Variants in OSBPL3 observed in about 807,000 individuals in gnomAD.
The protein encoded by OSBPL3 is oxysterol binding protein like 3, also known as oxysterol-binding protein-related protein 3.
Under a neutral mutation model 120.1 loss-of-function variants are expected in OSBPL3, and 65 were observed. The ratio of observed to expected loss-of-function variants is 0.54; its 90% confidence interval spans 0.44 to 0.67. OSBPL3 has a LOEUF of 0.67. Ranked by LOEUF, OSBPL3 falls within the 30% of genes least tolerant of loss-of-function variation. OSBPL3 has a pLI of 0.00. For missense variants in OSBPL3, 1,004 were observed against 1,082.1 expected (o/e 0.93, Z 1.01); for synonymous variants, 416 against 402.6 (o/e 1.03, Z -0.40).
chr7:24,942,367 A>G (rs1813202513), intron 1 of OSBPL3, among the ~76,000 whole-genome samples: 1 of 152,224 alleles, frequency 6.6e-6, no homozygotes, highest in South Asian at 2.1e-4. Context: ...GTGCACTTGT[A>G]GCCAGGAGTG....
chr7:24,910,985 C>T (rs1808744154), intron 1 of OSBPL3, among the ~76,000 whole-genome samples: 1 of 152,194 alleles, frequency 6.6e-6, no homozygotes, highest in African/African-American at 2.4e-5. Context: ...GAGGCCAGGG[C>T]AAGGGCATCC....
chr7:24,944,076 TAAAAAAAA>T (rs70942898), intron 1 of OSBPL3, among the ~76,000 whole-genome samples: 9 of 118,696 alleles, frequency 7.6e-5, no homozygotes, highest in Non-Finnish European at 1.2e-4. Flanking sequence ...CAGTCTAAAG[TAAAAAAAA>T]AAAAAAAAAA....
intron 1 of OSBPL3, among the ~76,000 whole-genome samples, chr7:24,950,247 C>T (rs1485547894): frequency 6.6e-6 from 1 of 152,154 alleles, no homozygotes; most frequent in Non-Finnish European, 1.5e-5. Context: ...TACAAAAATA[C>T]ACACAAACAC....
At chr7:24,941,830 T>C (rs527474154) in intron 1 of OSBPL3, among the ~76,000 whole-genome samples, 6 of 152,354 alleles carry the variant, frequency 3.9e-5, no homozygotes, top group Non-Finnish European at 5.9e-5. Flanking sequence ...AGTACAACTA[T>C]ACAGTGGTGG....
rs1254563957 is a variant in OSBPL3, at chr7:24,861,681, G to C, written c.959C>G (p.Ser320Cys). 4 of 1,611,276 alleles carry C rather than the reference G, an allele frequency of 2.5e-6. No individual in the cohort carries two copies. Among genetic ancestry groups the C allele is most frequent in the Non-Finnish European group, 3.4e-6 (4 of 1,177,846 alleles). Residue 320 changes from serine to cysteine, a missense_variant, in exon 10 of 23, where the codon TCT (serine) becomes TGT (cysteine). Physicochemically the swap from Ser to Cys is moderately radical, Grantham distance 112. Coordinates refer to ENST00000313367, the MANE Select transcript of OSBPL3 (RefSeq NM_015550.4). ...CTCTGATGAGGTTTCAGAGCCATCAGAATAATTTTTCTCTTCTCCAAAATC... is the reference window on the plus strand; with the variant it reads ...CTCTGATGAGGTTTCAGAGCCATCACAATAATTTTTCTCTTCTCCAAAATC... ...TLDFGEEKNYSDGSETSSEFS... is the reference protein window; with the variant it reads ...TLDFGEEKNYCDGSETSSEFS...
chr7:24,863,686 T>C lies in OSBPL3; in HGVS notation c.674-87A>G. On this transcript the variant is annotated intron_variant, in intron 7 of 22. Transcript: ENST00000313367. This position sits in a 1 kb window ranked among gnomAD's most constrained non-coding sequence, Gnocchi z 5.8. ...TCCCCATGCCAGCTACTTTTCCTTA[T>C]TTATCTGTAGTTGATTTTTTTTTTC... 1.2e-6 allele frequency: 1 copy of C among 865,412 alleles called. No homozygotes were observed. Among genetic ancestry groups the C allele is most frequent in the East Asian group, 2.5e-5 (1 of 40,192 alleles). 53.6% of individuals were successfully genotyped at this position (865,412 alleles called of 1,614,324 possible). A position where few individuals can be genotyped will look rare whatever the true frequency, so the allele number is the denominator to read the frequency against.
chr7:24,824,173 C>T lies in OSBPL3; in HGVS notation c.1885-3935G>A, dbSNP rs17150239. 0.12 allele frequency among the ~76,000 whole-genome samples: 18,160 copies of T among 152,116 alleles called. 1,759 individuals are homozygous for T. The highest frequency in any genetic ancestry group is 0.51 in the East Asian group (2,652 of 5,168). ...AAATTAGTACACATGGTTTTTATTACGCAAGTATTTATATGGTAACACATG... is the reference window on the plus strand; with the variant it reads ...AAATTAGTACACATGGTTTTTATTATGCAAGTATTTATATGGTAACACATG... On this transcript the variant is annotated intron_variant, in intron 16 of 22. Transcript: ENST00000313367. The surrounding 1 kb of genome is among the most constrained non-coding windows in gnomAD (Gnocchi z 4.9).
At position 24,896,610 on chromosome 7, in the gene OSBPL3, G is replaced by A. The variant is rs1806168895; in HGVS notation, c.-149-3989C>T. ...AAGATAACACAATTTGGGAAAAGAT[G>A]TAAAGGTGACATCACATACTATATA... On this transcript the variant is annotated intron_variant, in intron 1 of 22. Transcript: ENST00000313367. The surrounding 1 kb of genome is among the most constrained non-coding windows in gnomAD (Gnocchi z 4.4). 6.6e-6 allele frequency among the ~76,000 whole-genome samples: 1 copy of A among 152,216 alleles called. No homozygotes were observed. Among genetic ancestry groups the A allele is most frequent in the South Asian group, 2.1e-4 (1 of 4,834 alleles).
Position 24,936,104 on chromosome 7 carries a change from T to C in OSBPL3, c.-149-43483A>G, listed in dbSNP as rs1358063478. Among the ~76,000 whole-genome samples the C allele has an allele frequency of 1.3e-5, 2 of 150,156 alleles. No individual in the cohort carries two copies. Among genetic ancestry groups the C allele is most frequent in the East Asian group, 4.0e-4 (2 of 5,024 alleles). On this transcript the variant is annotated intron_variant, in intron 1 of 22. Transcript: ENST00000313367. This position sits in a 1 kb window ranked among gnomAD's most constrained non-coding sequence, Gnocchi z 4.2. ...GATTTCTTCTGGTTGAAAACTACCA[T>C]CTTTTGTATCACTCCCCTAAAACAC...
At chr7:24,897,577 G>A (rs1016743615) in intron 1 of OSBPL3, among the ~76,000 whole-genome samples, 2 of 151,894 alleles carry the variant, frequency 1.3e-5, no homozygotes, top group African/African-American at 4.8e-5. Context: ...CGCCCGCCTC[G>A]GCCTCCCAAA....
At chr7:24,905,608 T>C (rs975953444) in intron 1 of OSBPL3, among the ~76,000 whole-genome samples, 2 of 152,190 alleles carry the variant, frequency 1.3e-5, no homozygotes, top group African/African-American at 4.8e-5. Flanking sequence ...TGAAGTGGAA[T>C]AAGCTCCGTA....
chr7:24,910,490 A>AGG (rs1178541737), intron 1 of OSBPL3, among the ~76,000 whole-genome samples: 1 of 152,256 alleles, frequency 6.6e-6, no homozygotes, highest in South Asian at 2.1e-4. Context: ...GTGGAAAGAC[A>AGG]GGTGGCAAAA....
Position 24,900,264 on chromosome 7 carries a change from T to C in OSBPL3, c.-149-7643A>G, listed in dbSNP as rs948947319. On this transcript the variant is annotated intron_variant, in intron 1 of 22. Transcript: ENST00000313367. The surrounding 1 kb of genome is among the most constrained non-coding windows in gnomAD (Gnocchi z 4.5). ...CTGCCACAGGTTAATATTACAACCATGGCATAGAATCTTTCGGCCTTTGGT... is the reference window on the plus strand; with the variant it reads ...CTGCCACAGGTTAATATTACAACCACGGCATAGAATCTTTCGGCCTTTGGT... 3.3e-5 allele frequency among the ~76,000 whole-genome samples: 5 copies of C among 152,240 alleles called. No individual in the cohort carries two copies. The highest frequency in any genetic ancestry group is 9.6e-5 in the African/African-American group (4 of 41,464).
At chr7:24,956,914 T>G (rs1563009660) in intron 1 of OSBPL3, among the ~76,000 whole-genome samples, 1 of 152,214 alleles carries the variant, frequency 6.6e-6, no homozygotes, top group African/African-American at 2.4e-5. Flanking sequence ...AATTTCTAGT[T>G]TTTTTATTCA....
rs1805521959 is a variant in OSBPL3, at chr7:24,892,519, G to A, written c.-47C>T. 1 of 1,595,944 alleles carries A rather than the reference G, an allele frequency of 6.3e-7. No individual in the cohort carries two copies. The highest frequency in any genetic ancestry group is 8.6e-7 in the Non-Finnish European group (1 of 1,166,430). On this transcript the variant is annotated 5_prime_UTR_variant, in exon 2 of 23. Transcript: ENST00000313367. Reference sequence around the variant, plus strand: ...CGAGACAATCAAAATGCCATCAGATGACAAGGGAGCCGAGAGTATGGAAGT... The same window carrying A: ...CGAGACAATCAAAATGCCATCAGATAACAAGGGAGCCGAGAGTATGGAAGT...
In OSBPL3 at chr7:24,824,731, A is replaced by G. The variant is rs1795496278; in HGVS notation, c.1885-4493T>C. ...GTAAGACAAACGACACATAAGAAGCACATAATTTGTCAGTAGAAATTGTGT... is the reference window on the plus strand; with the variant it reads ...GTAAGACAAACGACACATAAGAAGCGCATAATTTGTCAGTAGAAATTGTGT... On this transcript the variant is annotated intron_variant, in intron 16 of 22. Coordinates refer to ENST00000313367, the MANE Select transcript of OSBPL3 (RefSeq NM_015550.4). The surrounding 1 kb of genome is among the most constrained non-coding windows in gnomAD (Gnocchi z 4.9). Among the ~76,000 whole-genome samples the G allele has an allele frequency of 6.6e-6, 1 of 152,240 alleles. No individual in the cohort carries two copies. The highest frequency in any genetic ancestry group is 1.5e-5 in the Non-Finnish European group (1 of 68,038).
At chr7:24,920,046 C>T (rs1267778488) in intron 1 of OSBPL3, among the ~76,000 whole-genome samples, 1 of 152,044 alleles carries the variant, frequency 6.6e-6, no homozygotes, top group East Asian at 1.9e-4. Context: ...GGACCTTACA[C>T]AGTTTGATGG....
In OSBPL3 at chr7:24,849,180, G is replaced by T. The variant is rs1798822508; in HGVS notation, c.1159-4C>A. 2 of 1,609,006 alleles carry T rather than the reference G, an allele frequency of 1.2e-6. No homozygotes were observed. The highest frequency in any genetic ancestry group is 1.3e-5 in the African/African-American group (1 of 74,936). On this transcript the variant is annotated splice_polypyrimidine_tract_variant and splice_region_variant and intron_variant, in intron 11 of 22. Transcript: ENST00000313367. The surrounding 1 kb of genome is among the most constrained non-coding windows in gnomAD (Gnocchi z 5.4). ...GATCTGTGTTTTGTGCTAGGGCCTG[G>T]AACATGTTAAAATAGTGGGGCTCTG...
In OSBPL3 at chr7:24,939,052, T is replaced by A. The variant is rs1470814242; in HGVS notation, c.-150+40834A>T. 6.6e-6 allele frequency among the ~76,000 whole-genome samples: 1 copy of A among 151,964 alleles called. No individual in the cohort carries two copies. The highest frequency in any genetic ancestry group is 6.6e-5 in the Admixed American group (1 of 15,244). On this transcript the variant is annotated intron_variant, in intron 1 of 22. Transcript: ENST00000313367. This position sits in a 1 kb window ranked among gnomAD's most constrained non-coding sequence, Gnocchi z 4.2. ...AGCACAGAGATATTGGATGAAATCA[T>A]AGGAACAGTTAAGATAGCCCAAGGA...
Sources: gnomAD v4.1 joint callset for allele counts (sites outside exome capture counted in the v4.1 genomes callset) on GRCh38, gnomAD v4.1.1 for gene constraint, Gnocchi (gnomAD v3.1) non-coding constraint, MANE v1.5 for transcripts, NCBI Gene and HGNC (gene_info 2026-07-23, HGNC 2026-07-21) for gene names.